NKAIN3: variants seen among roughly 807,000 people sequenced by gnomAD.
NKAIN3 encodes the protein sodium/potassium-transporting ATPase subunit beta-1-interacting protein 3.
A neutral mutation model predicts 30.2 loss-of-function variants in NKAIN3; 25 were observed. That is an observed-to-expected ratio of 0.83 (90% confidence interval 0.60 to 1.16). The LOEUF (loss-of-function observed/expected upper bound fraction) is 1.16. NKAIN3 is among the 50% of genes most tolerant of loss of function. The pLI is 0.00. For missense variants in NKAIN3, 225 were observed against 254.1 expected, an observed-to-expected ratio of 0.89 and a Z score of 0.78; for synonymous variants, 91 against 89.6, an observed-to-expected ratio of 1.02 and a Z score of -0.09.
intron 3 of NKAIN3, among the ~76,000 whole-genome samples, chr8:62,634,330 A>G (rs1169798754): frequency 1.3e-5 from 2 of 152,100 alleles, no homozygotes; most frequent in African/African-American, 2.4e-5. Flanking sequence ...CTCCTCTTCC[A>G]TATCCCTCCC....
intron 1 of NKAIN3, among the ~76,000 whole-genome samples, chr8:62,290,286 T>A (rs1327298091): frequency 3.3e-5 from 5 of 152,076 alleles, no homozygotes; most frequent in East Asian, 1.9e-4. Context: ...TATGTTGAAT[T>A]GGAGTGGTGA....
chr8:62,676,563 C>T (rs1211873278), intron 3 of NKAIN3, among the ~76,000 whole-genome samples: 2 of 152,012 alleles, frequency 1.3e-5, no homozygotes, highest in South Asian at 2.1e-4. Flanking sequence ...AGCAAGACTC[C>T]GTCTTAAAAA....
chr8:62,985,049 A>C (rs1266493492), downstream of NKAIN3: 1 of 152,198 alleles, frequency 6.6e-6, no homozygotes, highest in Non-Finnish European at 1.5e-5. Context: ...AAAAGTCTTA[A>C]GCTACATGAC....
At chr8:62,957,494 T>C (rs1414327064) in intron 6 of NKAIN3, among the ~76,000 whole-genome samples, 2 of 152,110 alleles carry the variant, frequency 1.3e-5, no homozygotes, top group African/African-American at 4.8e-5. Context: ...CCTCCGTAGG[T>C]GAATGGATGA....
intron 1 of NKAIN3, among the ~76,000 whole-genome samples, chr8:62,506,472 C>CTTTTTTTTT (rs1807643218): frequency 1.6e-5 from 1 of 61,984 alleles, no homozygotes; most frequent in Non-Finnish European, 3.0e-5. Flanking sequence ...TTTTTTCTTT[C>CTTTTTTTTT]TTTCTTTTTT....
chr8:62,907,284 A>G (rs1481844265), intron 4 of NKAIN3, among the ~76,000 whole-genome samples: 1 of 152,178 alleles, frequency 6.6e-6, no homozygotes, highest in Non-Finnish European at 1.5e-5. Context: ...TTAATATATT[A>G]ATGTATTTAT....
At chr8:62,489,408 T>G (rs1489027478) in intron 1 of NKAIN3, among the ~76,000 whole-genome samples, 1 of 152,202 alleles carries the variant, frequency 6.6e-6, no homozygotes, top group African/African-American at 2.4e-5. Flanking sequence ...CCTTACATTA[T>G]AGACATGTGC....
chr8:62,500,830 C>G (rs776011011), intron 1 of NKAIN3, among the ~76,000 whole-genome samples: 2 of 152,082 alleles, frequency 1.3e-5, no homozygotes, highest in South Asian at 4.1e-4. Flanking sequence ...TTTTGTTCCT[C>G]CTATGGAGTC....
At chr8:62,617,374 C>A (rs1323464408) in intron 3 of NKAIN3, among the ~76,000 whole-genome samples, 1 of 152,146 alleles carries the variant, frequency 6.6e-6, no homozygotes, top group Non-Finnish European at 1.5e-5. Flanking sequence ...TTTATTAGAC[C>A]ACACTAATCA....
chr8:62,460,940 C>A (rs764535259), intron 1 of NKAIN3, among the ~76,000 whole-genome samples: 1 of 152,084 alleles, frequency 6.6e-6, no homozygotes, highest in Non-Finnish European at 1.5e-5. Flanking sequence ...ATGAATTGTC[C>A]GTAGGAGCTT....
chr8:62,448,121 A>T (rs1805539670), intron 1 of NKAIN3, among the ~76,000 whole-genome samples: 1 of 151,994 alleles, frequency 6.6e-6, no homozygotes, highest in Admixed American at 6.6e-5. Flanking sequence ...TATATATTAT[A>T]GTTCACTCTC....
chr8:62,276,565 C>G (rs991308761), intron 1 of NKAIN3, among the ~76,000 whole-genome samples: 8 of 152,116 alleles, frequency 5.3e-5, no homozygotes, highest in African/African-American at 1.4e-4. Context: ...TACACACATG[C>G]TTCATGTGGA....
intron 4 of NKAIN3, chr8:62,855,297 C>A (rs1586273207): frequency 1.9e-6 from 1 of 521,342 alleles, no homozygotes; most frequent in East Asian, 3.7e-5. Flanking sequence ...GGTCACACAG[C>A]CTCTGGTCAG....
At chr8:62,912,722 C>A (rs1005594677) in intron 4 of NKAIN3, among the ~76,000 whole-genome samples, 2 of 151,964 alleles carry the variant, frequency 1.3e-5, no homozygotes, top group Non-Finnish European at 2.9e-5. Context: ...TCAGCCTGAC[C>A]AACATAGAGA....
rs188107202 is a variant in NKAIN3, at chr8:62,976,774, G to C, written c.*11367G>C. Among the ~76,000 whole-genome samples, 2 of 152,326 alleles carry C rather than the reference G, an allele frequency of 1.3e-5. No individual in the cohort carries two copies. The highest frequency in any genetic ancestry group is 1.3e-4 in the Admixed American group (2 of 15,302). On this transcript the variant is annotated 3_prime_UTR_variant, in exon 7 of 7. Transcript: ENST00000623646. ...CATTAGTTGATGCAGCTTCTTCATAGTGTCGATGGTCTTTACATTTTGGAA... is the reference window on the plus strand; with the variant it reads ...CATTAGTTGATGCAGCTTCTTCATACTGTCGATGGTCTTTACATTTTGGAA...
chr8:62,262,841 A>C (rs1318388442), intron 1 of NKAIN3, among the ~76,000 whole-genome samples: 3 of 152,182 alleles, frequency 2.0e-5, no homozygotes, highest in Non-Finnish European at 4.4e-5. Flanking sequence ...GTTTGGCTCA[A>C]CCAAAAGTGT....
chr8:62,579,711 A>G lies in NKAIN3; in HGVS notation c.192+35A>G, dbSNP rs567088851. 44 of 1,258,574 alleles carry G rather than the reference A, an allele frequency of 3.5e-5. No homozygotes were observed. In the South Asian group the frequency reaches 8.2e-4, roughly 23 times the overall value. 78.0% of individuals were successfully genotyped at this position (1,258,574 alleles called of 1,614,324 possible). On this transcript the variant is annotated intron_variant, in intron 2 of 6. Coordinates refer to ENST00000623646, the MANE Select transcript of NKAIN3 (RefSeq NM_001304533.3). ...ATTTTTATCATTTTGCTTCATATAA[A>G]CAATTCAAAATTTCTATAAGAATAT... is the stretch of plus-strand genomic sequence containing the variant.
chr8:62,364,047 T>C lies in NKAIN3; in HGVS notation c.54+114920T>C, dbSNP rs182488005. On this transcript the variant is annotated intron_variant, in intron 1 of 6. Transcript: ENST00000623646. ...CATCTCTTATTTGGGGTTCCTTCTC[T>C]GTATAGATGCTTATGTGAGCTTAAA... Among the ~76,000 whole-genome samples the C allele has an allele frequency of 6.6e-4, 97 of 147,952 alleles. 1 individual carries two copies. In the East Asian group the frequency reaches 0.021, roughly 32 times the overall value.
intron 4 of NKAIN3, among the ~76,000 whole-genome samples, chr8:62,858,237 C>A (rs2130784037): frequency 6.6e-6 from 1 of 152,262 alleles, no homozygotes; most frequent in Admixed American, 6.5e-5. Context: ...TCTGGAAGCT[C>A]CATCCCGGGG....
Sources: gnomAD v4.1 joint callset for allele counts (sites outside exome capture counted in the v4.1 genomes callset) on GRCh38, gnomAD v4.1.1 for gene constraint, MANE v1.5 for transcripts, NCBI Gene and HGNC (gene_info 2026-07-23, HGNC 2026-07-21) for gene names.